Variants in SLC5A4 observed in about 807,000 individuals in gnomAD.
SLC5A4 encodes the protein solute carrier family 5 member 4, also known as probable glucose sensor protein SLC5A4.
In SLC5A4, 55 loss-of-function variants were observed where a neutral mutation model predicts 70.3. That is an observed-to-expected ratio of 0.78 (90% CI 0.63 to 0.98). The LOEUF is 0.98. Ranked by LOEUF, SLC5A4 falls within the 50% of genes least tolerant of loss-of-function variation. The pLI is 0.00. For missense variants in SLC5A4, 735 were observed against 839.2 expected, an observed-to-expected ratio of 0.88 and a Z score of 1.53; for synonymous variants, 268 against 305.7, an observed-to-expected ratio of 0.88 and a Z score of 1.29.
At chr22:32,305,302 C>CCTTGCCTACGAGATGAGAAACAAGAGGCA in the SLC5A4 span, among the ~76,000 whole-genome samples, 5 of 150,134 alleles carry the variant, frequency 3.3e-5, no homozygotes, top group East Asian at 1.9e-4. Flanking sequence ...CTGACTGCTC[C>CCTTGCCTACGAGATGAGAAACAAGAGGCA]CGGGCTTGTA....
chr22:32,277,571 G>A, the SLC5A4 span, among the ~76,000 whole-genome samples: 1 of 151,892 alleles, frequency 6.6e-6, no homozygotes, highest in Non-Finnish European at 1.5e-5. Flanking sequence ...TTTTTGAGAT[G>A]GAGTCTCTCT....
the SLC5A4 span, chr22:32,270,583 G>A: frequency 4.1e-6 from 3 of 731,376 alleles, no homozygotes; most frequent in Admixed American, 5.6e-5. Flanking sequence ...GGAGATCATG[G>A]AGCTGGACAC....
intron 2 of SLC5A4, among the ~76,000 whole-genome samples, chr22:32,253,013 C>T (rs914169266): frequency 1.3e-5 from 2 of 152,164 alleles, no homozygotes; most frequent in African/African-American, 2.4e-5. Flanking sequence ...GCTTCAAGAT[C>T]GCTTGAGCCT....
the SLC5A4 span, among the ~76,000 whole-genome samples, chr22:32,317,317 A>G: frequency 2.0e-5 from 3 of 152,206 alleles, no homozygotes; most frequent in African/African-American, 7.2e-5. Context: ...AATAAATTAG[A>G]AAGCATGAAT....
At chr22:32,265,146 T>C in the SLC5A4 span, among the ~76,000 whole-genome samples, 4 of 152,342 alleles carry the variant, frequency 2.6e-5, no homozygotes, top group African/African-American at 9.6e-5. Context: ...ACACCTGTTA[T>C]CCCAGCACTT....
the SLC5A4 span, among the ~76,000 whole-genome samples, chr22:32,305,645 GCCAGAATCAA>G: frequency 7.3e-6 from 1 of 136,198 alleles, no homozygotes; most frequent in Non-Finnish European, 1.6e-5. Flanking sequence ...GGCGGGTGGG[GCCAGAATCAA>G]CTGTGTTCAG....
At chr22:32,282,999 GCTC>G in the SLC5A4 span, among the ~76,000 whole-genome samples, 390 of 152,328 alleles carry the variant, frequency 2.6e-3, 3 homozygotes, top group African/African-American at 9.0e-3. Flanking sequence ...AGATTATGCT[GCTC>G]CTCTGCTCAA....
chr22:32,292,524 T>C, the SLC5A4 span, among the ~76,000 whole-genome samples: 1 of 151,034 alleles, frequency 6.6e-6, no homozygotes, highest in Non-Finnish European at 1.5e-5. Flanking sequence ...GAGTGAGTCT[T>C]CCCCAGACCC....
intron 1 of SLC5A4, 108 bp downstream of exon 1, chr22:32,255,085 AAC>A: frequency 1.0e-6 from 1 of 1,003,506 alleles, no homozygotes; most frequent in Non-Finnish European, 1.5e-6. Context: ...TGATTCTGAT[AAC>A]ACAATGACAT....
the SLC5A4 span, among the ~76,000 whole-genome samples, chr22:32,336,315 G>C: frequency 1.3e-5 from 2 of 152,200 alleles, no homozygotes; most frequent in Non-Finnish European, 2.9e-5. Flanking sequence ...GCGTATTCAC[G>C]AGCCCCCAGA....
chr22:32,290,976 T>G, the SLC5A4 span, among the ~76,000 whole-genome samples: 2 of 152,160 alleles, frequency 1.3e-5, no homozygotes, highest in African/African-American at 4.8e-5. Flanking sequence ...TCAGCCTCTT[T>G]TTTATGCTTG....
At chr22:32,335,250 A>ACAGCTCAAGC in the SLC5A4 span, among the ~76,000 whole-genome samples, 1,765 of 152,294 alleles carry the variant, frequency 0.012, 41 homozygotes, top group African/African-American at 0.04. Context: ...CACGTCTCAG[A>ACAGCTCAAGC]CAGCTCAAGC....
At chr22:32,238,654 G>A (rs762960656) in intron 6 of SLC5A4, among the ~76,000 whole-genome samples, 1 of 152,118 alleles carries the variant, frequency 6.6e-6, no homozygotes, top group Non-Finnish European at 1.5e-5. Context: ...TCTCCTATCT[G>A]AGCTGCTACT....
chr22:32,223,405 A>G (rs1925201915), intron 13 of SLC5A4, among the ~76,000 whole-genome samples: 1 of 152,240 alleles, frequency 6.6e-6, no homozygotes, highest in African/African-American at 2.4e-5. Context: ...ACTCTCCAAC[A>G]GTTTTGGACT....
At position 32,237,293 on chromosome 22, in the gene SLC5A4, G is replaced by T; in HGVS notation, c.615C>A (p.Thr205=). Residue 205 remains threonine, a synonymous_variant, in exon 7 of 15, where the codon ACC becomes ACA. Transcript: ENST00000266086. ...CAATCAGCATGATGATGGTCTGGAG[G>T]GTGTCTGTGTAAATCACCGAGGCCA... The part of the protein sequence containing the change: ...GGLASVIYTD[T]LQTIIMLIGS... 1 of 1,608,258 alleles carries T rather than the reference G, an allele frequency of 6.2e-7. No homozygotes were observed. Among genetic ancestry groups the T allele is most frequent in the East Asian group, 2.2e-5 (1 of 44,704 alleles).
chr22:32,308,739 G>T, the SLC5A4 span, among the ~76,000 whole-genome samples: 1 of 151,172 alleles, frequency 6.6e-6, no homozygotes, highest in Non-Finnish European at 1.5e-5. Flanking sequence ...ACAGCAAGAG[G>T]GACCAGATCT....
chr22:32,292,323 T>C, the SLC5A4 span, among the ~76,000 whole-genome samples: 3 of 142,876 alleles, frequency 2.1e-5, no homozygotes, highest in African/African-American at 7.8e-5. Context: ...TTTTCTAATA[T>C]ATATGGTATA....
chr22:32,345,701 A>G, the SLC5A4 span, among the ~76,000 whole-genome samples: 1 of 152,198 alleles, frequency 6.6e-6, no homozygotes, highest in Non-Finnish European at 1.5e-5. Context: ...AAAGGGCACA[A>G]AAGTCCCATC....
At chr22:32,306,868 G>C in the SLC5A4 span, among the ~76,000 whole-genome samples, 845 of 152,032 alleles carry the variant, frequency 5.6e-3, 6 homozygotes, top group African/African-American at 0.017. Flanking sequence ...ACAATAGGAA[G>C]AAACTGGGTA....
Sources: allele counts gnomAD v4.1 joint callset (sites outside exome capture counted in the v4.1 genomes callset), GRCh38; gene constraint gnomAD v4.1.1; transcripts MANE v1.5; gene names NCBI Gene and HGNC (gene_info 2026-07-23, HGNC 2026-07-21).